FAM163A: variants seen among roughly 807,000 people sequenced by gnomAD.
FAM163A encodes the protein protein FAM163A.
In FAM163A, 7 loss-of-function variants were observed where a neutral mutation model predicts 12.0. The observed-to-expected ratio is 0.58, with a 90% confidence interval of 0.33 to 1.10. The LOEUF (loss-of-function observed/expected upper bound fraction) is 1.10. FAM163A is among the 50% of genes least tolerant of loss of function. The pLI is 0.03. For missense variants in FAM163A, 202 were observed against 218.6 expected (o/e 0.92, Z 0.48); for synonymous variants, 101 against 91.0 (o/e 1.11, Z -0.62).
chr1:179,796,065 G>T (rs1338177083), intron 1 of FAM163A, among the ~76,000 whole-genome samples: 2 of 149,962 alleles, frequency 1.3e-5, no homozygotes, highest in African/African-American at 5.0e-5. Context: ...TGACTTTTCT[G>T]CAGTCACAGA....
chr1:179,755,551 G>A (rs1333492210), intron 1 of FAM163A, among the ~76,000 whole-genome samples: 2 of 152,186 alleles, frequency 1.3e-5, no homozygotes, highest in Admixed American at 1.3e-4. Flanking sequence ...CAGTGGGATC[G>A]GGGTTAGAGT....
rs192498794 is a variant in FAM163A, at chr1:179,751,793, C to G, written c.-136+8370C>G. ...TTTCCTCTAAGATCAAGAACAAGGC[C>G]TGGAAGAAATTAAAGAAGACATAAA... On this transcript the variant is annotated intron_variant, in intron 1 of 4. Transcript: ENST00000341785. Among the ~76,000 whole-genome samples the G allele has an allele frequency of 5.3e-5, 8 of 152,190 alleles. No homozygotes were observed. The East Asian group carries it at 1.4e-3, about 26-fold the overall frequency.
intron 1 of FAM163A, among the ~76,000 whole-genome samples, chr1:179,768,821 G>T (rs1434347522): frequency 1.3e-5 from 2 of 152,028 alleles, no homozygotes; most frequent in Non-Finnish European, 2.9e-5. Context: ...GGCCAGGATG[G>T]TCTCGATCTC....
intron 3 of FAM163A, among the ~76,000 whole-genome samples, chr1:179,812,775 G>A (rs564422198): frequency 6.6e-6 from 1 of 152,362 alleles, no homozygotes; most frequent in East Asian, 1.9e-4. Context: ...TGTGTCTGCA[G>A]CCACGCAGAA....
intron 1 of FAM163A, among the ~76,000 whole-genome samples, chr1:179,801,030 T>A (rs1013964353): frequency 6.6e-6 from 1 of 152,150 alleles, no homozygotes; most frequent in Non-Finnish European, 1.5e-5. Context: ...GCTGTTCTCA[T>A]GGTCACCCCT....
intron 1 of FAM163A, among the ~76,000 whole-genome samples, chr1:179,789,478 G>A (rs111943202): frequency 1.8e-4 from 27 of 152,190 alleles, no homozygotes; most frequent in Admixed American, 7.2e-4. Context: ...CACCGCCCCC[G>A]GCAGGGATCA....
At chr1:179,789,217 C>T (rs368750846) in intron 1 of FAM163A, among the ~76,000 whole-genome samples, 18 of 152,124 alleles carry the variant, frequency 1.2e-4, no homozygotes, top group East Asian at 5.8e-4. Flanking sequence ...GGTCTCACTC[C>T]GTCACCCATG....
At chr1:179,750,256 A>G (rs1685085456) in intron 1 of FAM163A, among the ~76,000 whole-genome samples, 1 of 152,254 alleles carries the variant, frequency 6.6e-6, no homozygotes, top group Non-Finnish European at 1.5e-5. Flanking sequence ...AGGAGGAGAC[A>G]GTCAAAACCC....
chr1:179,804,257 A>G (rs1294785566), intron 1 of FAM163A, among the ~76,000 whole-genome samples: 2 of 152,154 alleles, frequency 1.3e-5, no homozygotes, highest in African/African-American at 4.8e-5. Context: ...TGGCTCAGGT[A>G]ATTGTTAACC....
chr1:179,753,031 A>T (rs1333514317), intron 1 of FAM163A, among the ~76,000 whole-genome samples: 1 of 152,248 alleles, frequency 6.6e-6, no homozygotes, highest in African/African-American at 2.4e-5. Flanking sequence ...AATAGCCAAG[A>T]TGGAAACAAC....
chr1:179,748,304 G>A (rs1024837575), intron 1 of FAM163A, among the ~76,000 whole-genome samples: 4 of 152,160 alleles, frequency 2.6e-5, no homozygotes, highest in Admixed American at 2.6e-4. Flanking sequence ...TTGTGCTGCT[G>A]TTGCCCACAG....
At chr1:179,791,695 T>C (rs1181989549) in intron 1 of FAM163A, among the ~76,000 whole-genome samples, 1 of 152,234 alleles carries the variant, frequency 6.6e-6, no homozygotes, top group Non-Finnish European at 1.5e-5. Context: ...TTTAAATATT[T>C]AGACATATCA....
Position 179,815,091 on chromosome 1 carries a change from ACGCACGCGCG to A in FAM163A, c.*906_*915del, listed in dbSNP as rs1291786632. 2.1e-5 allele frequency: 2 copies of A among 96,948 alleles called. No individual in the cohort carries two copies. The highest frequency in any genetic ancestry group is 3.7e-5 in the Non-Finnish European group (2 of 53,856). 6.0% of individuals were successfully genotyped at this position (96,948 alleles called of 1,614,324 possible). On this transcript the variant is annotated 3_prime_UTR_variant, in exon 5 of 5. Coordinates refer to ENST00000341785, the MANE Select transcript of FAM163A (RefSeq NM_173509.3). ...GGTGTGCATAACCGTTCCCAGGTGT[ACGCACGCGCG>A]CGCGCGCGCACAGACACACACACAC...
chr1:179,801,859 G>A (rs982005393), intron 1 of FAM163A, among the ~76,000 whole-genome samples: 9 of 152,158 alleles, frequency 5.9e-5, no homozygotes, highest in African/African-American at 2.2e-4. Flanking sequence ...TAACAAAGAC[G>A]CGTGATTCCA....
chr1:179,752,336 T>A (rs1289801328), intron 1 of FAM163A, among the ~76,000 whole-genome samples: 1 of 152,108 alleles, frequency 6.6e-6, no homozygotes, highest in Non-Finnish European at 1.5e-5. Context: ...GAACTGAAAC[T>A]GTAAAACTTT....
At chr1:179,766,615 C>A (rs1351916599) in intron 1 of FAM163A, among the ~76,000 whole-genome samples, 1 of 152,186 alleles carries the variant, frequency 6.6e-6, no homozygotes, top group Non-Finnish European at 1.5e-5. Flanking sequence ...CTGCCTTTTT[C>A]GAGTTGATTT....
chr1:179,756,122 C>A (rs1000660322), intron 1 of FAM163A, among the ~76,000 whole-genome samples: 2 of 152,170 alleles, frequency 1.3e-5, no homozygotes, highest in African/African-American at 4.8e-5. Context: ...TGATCCATGC[C>A]ATCAAAGATC....
intron 1 of FAM163A, among the ~76,000 whole-genome samples, chr1:179,780,497 C>T (rs1054501775): frequency 6.6e-6 from 1 of 152,232 alleles, no homozygotes. Context: ...TTCTTCCTTG[C>T]TGTGACCATT....
At chr1:179,740,799 G>A (rs1683550994), upstream of FAM163A, among the ~76,000 whole-genome samples, 1 of 152,092 alleles carries the variant, frequency 6.6e-6, no homozygotes, top group South Asian at 2.1e-4. Context: ...ATCTTGCGGT[G>A]GTGGAAATGT....
Sources: gnomAD v4.1 joint callset for allele counts (sites outside exome capture counted in the v4.1 genomes callset) on GRCh38, gnomAD v4.1.1 for gene constraint, MANE v1.5 for transcripts, NCBI Gene and HGNC (gene_info 2026-07-23, HGNC 2026-07-21) for gene names.